Variants in RAB39A observed in about 807,000 individuals in gnomAD.
RAB39A encodes the protein RAB39A, member RAS oncogene family.
Under a neutral mutation model 20.9 loss-of-function variants are expected in RAB39A, and 17 were observed. That is an observed-to-expected ratio of 0.81 (90% CI 0.56 to 1.22). The LOEUF (loss-of-function observed/expected upper bound fraction) is 1.22, where lower values mean the gene tolerates loss of function less well. RAB39A is among the 50% of genes most tolerant of loss of function. RAB39A has a pLI of 0.00. For synonymous variants in RAB39A, 99 were observed against 103.4 expected (o/e 0.96, Z 0.26); for missense variants, 234 against 270.5 (o/e 0.87, Z 0.95).
In RAB39A at chr11:107,962,195, G is replaced by T; in HGVS notation, c.477G>T (p.Lys159Asn). The T allele has an allele frequency of 6.2e-7, 1 of 1,614,040 alleles. No homozygotes were observed. The highest frequency in any genetic ancestry group is 2.2e-5 in the East Asian group (1 of 44,876). The part of the protein sequence containing the change: ...CGMKYIETSA[K>N]DATNVEESFT... ...TGAAGTATATAGAAACCTCAGCAAA[G>T]GATGCTACAAATGTTGAAGAATCCT... The change falls in exon 2 of 2, where the codon AAG becomes AAT. Residue 159 changes from lysine to asparagine, a missense_variant. Physicochemically the swap from Lys to Asn is moderately conservative, Grantham distance 94. Transcript: ENST00000320578.
intron 1 of RAB39A, among the ~76,000 whole-genome samples, chr11:107,942,098 CAAAAAAAAAAAAA>C (rs10537482): frequency 2.4e-5 from 2 of 83,754 alleles, no homozygotes; most frequent in Non-Finnish European, 4.2e-5. Flanking sequence ...GATTCCATCT[CAAAAAAAAAAAAA>C]AAAAAAAAAA....
At chr11:107,930,797 A>C (rs1324308166) in intron 1 of RAB39A, among the ~76,000 whole-genome samples, 5 of 151,786 alleles carry the variant, frequency 3.3e-5, no homozygotes, top group African/African-American at 1.2e-4. Context: ...CAGAGTTTGC[A>C]GTGAGCCAAG....
intron 1 of RAB39A, among the ~76,000 whole-genome samples, chr11:107,960,914 C>T (rs549804717): frequency 1.3e-5 from 2 of 152,148 alleles, no homozygotes; most frequent in African/African-American, 4.8e-5. Flanking sequence ...GCTGAACCCC[C>T]CTGCAAGCTG....
chr11:107,936,796 C>G (rs537232170), intron 1 of RAB39A, among the ~76,000 whole-genome samples: 16 of 152,108 alleles, frequency 1.1e-4, no homozygotes, highest in African/African-American at 3.9e-4. Flanking sequence ...CATGGTGGTG[C>G]ACACCTATAA....
rs1446745073 is a variant in RAB39A, at chr11:107,928,686, G to A, written c.118G>A (p.Ala40Thr). The change falls in exon 1 of 2, where the codon GCC becomes ACC. Residue 40 changes from alanine (A) to threonine (T), a missense_variant. Ala to Thr is a moderately conservative substitution (Grantham distance 58). Coordinates refer to ENST00000320578, the MANE Select transcript of RAB39A (RefSeq NM_017516.3). The surrounding 1 kb of genome is among the most constrained non-coding windows in gnomAD (Gnocchi z 4.9). The part of the protein sequence containing the change: ...QGRFPGLRSP[A>T]CDPTVGVDFF... ...CCGCTTCCCCGGGCTGCGCTCCCCC[G>A]CCTGCGACCCCACCGTCGGCGTGGA... 6.2e-7 allele frequency: 1 copy of A among 1,611,770 alleles called. No homozygotes were observed. Among genetic ancestry groups the A allele is most frequent in the South Asian group, 1.1e-5 (1 of 90,726 alleles).
intron 1 of RAB39A, among the ~76,000 whole-genome samples, chr11:107,929,042 G>T (rs1300589346): frequency 6.6e-6 from 1 of 150,460 alleles, no homozygotes; most frequent in Admixed American, 6.6e-5. Context: ...TTCCTTTCCC[G>T]CCTGAACCGG....
chr11:107,954,451 T>A (rs1347296764), intron 1 of RAB39A, among the ~76,000 whole-genome samples: 1 of 152,158 alleles, frequency 6.6e-6, no homozygotes, highest in African/African-American at 2.4e-5. Context: ...CCGATCTTGT[T>A]TTTTACCCAG....
chr11:107,943,570 C>CAA (rs1306320458), intron 1 of RAB39A, among the ~76,000 whole-genome samples: 58 of 56,524 alleles, frequency 1.0e-3, no homozygotes, highest in African/African-American at 3.7e-3. Context: ...GACTCCGTCT[C>CAA]AAAAAAAAAA....
At chr11:107,934,424 ACCCT>A (rs1861171404) in intron 1 of RAB39A, among the ~76,000 whole-genome samples, 1 of 151,952 alleles carries the variant, frequency 6.6e-6, no homozygotes, top group Non-Finnish European at 1.5e-5. Flanking sequence ...ACAGAGCTAG[ACCCT>A]GTCTCTAAAA....
chr11:107,943,048 G>A (rs898956725), intron 1 of RAB39A, among the ~76,000 whole-genome samples: 9 of 152,122 alleles, frequency 5.9e-5, no homozygotes, highest in African/African-American at 2.2e-4. Context: ...CCTCCCCTCT[G>A]TGCAATACTC....
At chr11:107,941,163 G>C (rs1398730778) in intron 1 of RAB39A, among the ~76,000 whole-genome samples, 3 of 152,014 alleles carry the variant, frequency 2.0e-5, no homozygotes, top group Non-Finnish European at 2.9e-5. Context: ...TTGAGAAAAG[G>C]GTTTCTTGAT....
intron 1 of RAB39A, among the ~76,000 whole-genome samples, chr11:107,936,612 T>C (rs1480811189): frequency 6.6e-6 from 1 of 152,244 alleles, no homozygotes; most frequent in Admixed American, 6.5e-5. Flanking sequence ...TAGTTATTTT[T>C]GGTTTTGTTT....
intron 1 of RAB39A, among the ~76,000 whole-genome samples, chr11:107,959,014 G>A (rs1401798251): frequency 1.3e-5 from 2 of 151,952 alleles, no homozygotes; most frequent in African/African-American, 4.8e-5. Flanking sequence ...CAGCTAGTCA[G>A]GAGGTTGAGG....
intron 1 of RAB39A, among the ~76,000 whole-genome samples, chr11:107,945,276 A>C (rs1861297149): frequency 7.3e-6 from 1 of 137,516 alleles, no homozygotes; most frequent in Admixed American, 8.3e-5. Context: ...TGAGCTCATG[A>C]GTTCAAGGCC....
chr11:107,954,724 C>CTGTAAGAAT lies in RAB39A; in HGVS notation c.228-7221_228-7213dup, dbSNP rs1861415930. On this transcript the variant is annotated intron_variant, in intron 1 of 1. Coordinates refer to ENST00000320578, the MANE Select transcript of RAB39A (RefSeq NM_017516.3). ...GATAAGGCCATGAGTTGAGAGGGTG[C>CTGTAAGAAT]TGTAAGAATAGATGTGCTGGGTCTG... Among the ~76,000 whole-genome samples, 2 of 152,132 alleles carry CTGTAAGAAT rather than the reference C, an allele frequency of 1.3e-5. 1 individual carries two copies. The highest frequency in any genetic ancestry group is 4.1e-4 in the South Asian group (2 of 4,828).
chr11:107,960,455 TAGAC>T (rs1483446581), intron 1 of RAB39A, among the ~76,000 whole-genome samples: 1 of 152,136 alleles, frequency 6.6e-6, no homozygotes, highest in African/African-American at 2.4e-5. Context: ...AGGAGTTTCT[TAGAC>T]AGAAAAGGGG....
At chr11:107,960,598 G>A (rs1326307168) in intron 1 of RAB39A, among the ~76,000 whole-genome samples, 2 of 152,246 alleles carry the variant, frequency 1.3e-5, no homozygotes, top group African/African-American at 2.4e-5. Flanking sequence ...GCCGAAAAGA[G>A]TTTAATGAAG....
intron 1 of RAB39A, 37 bp from the exon 2 acceptor site, chr11:107,961,909 T>G: frequency 6.7e-7 from 1 of 1,493,098 alleles, no homozygotes; most frequent in Non-Finnish European, 9.1e-7. Flanking sequence ...AAAGAACAAG[T>G]TGTCCTTATA....
chr11:107,962,903 G>C lies in RAB39A; in HGVS notation c.*531G>C, dbSNP rs1861514093. The C allele has an allele frequency of 6.6e-6, 1 of 151,988 alleles. No individual in the cohort carries two copies. 9.4% of individuals were successfully genotyped at this position (151,988 alleles called of 1,614,324 possible). A position where few individuals can be genotyped will look rare whatever the true frequency, so the allele number is the denominator to read the frequency against. On this transcript the variant is annotated 3_prime_UTR_variant, in exon 2 of 2. Coordinates refer to ENST00000320578, the MANE Select transcript of RAB39A (RefSeq NM_017516.3). ...GAAATGTTTGTCCTCCCTTAATTTTGCCTCAACACAAGAAAATAAGTTTTA... is the reference window on the plus strand; with the variant it reads ...GAAATGTTTGTCCTCCCTTAATTTTCCCTCAACACAAGAAAATAAGTTTTA...
Sources: gnomAD v4.1 joint callset for allele counts (sites outside exome capture counted in the v4.1 genomes callset) on GRCh38, gnomAD v4.1.1 for gene constraint, Gnocchi (gnomAD v3.1) non-coding constraint, MANE v1.5 for transcripts, NCBI Gene and HGNC (gene_info 2026-07-23, HGNC 2026-07-21) for gene names.